The following ENPP3 variants were observed in gnomAD, a reference collection of about 807,000 sequenced individuals.
The protein encoded by ENPP3 is ectonucleotide pyrophosphatase/phosphodiesterase 3, also known as ectonucleotide pyrophosphatase/phosphodiesterase family member 3.
ENPP3 carries 104 observed loss-of-function variants against 117.8 expected under a neutral mutation model. The observed-to-expected ratio is 0.88, with a 90% CI of 0.75 to 1.04. The LOEUF (loss-of-function observed/expected upper bound fraction) is 1.04, where lower values mean the gene tolerates loss of function less well. ENPP3 is among the 50% of genes least tolerant of loss of function. The probability of loss-of-function intolerance (pLI) is 0.00; values close to 1 mark genes in which losing one functional copy is unlikely to be tolerated. For synonymous variants in ENPP3, 380 were observed against 349.9 expected, an observed-to-expected ratio of 1.09 and a Z score of -0.96; for missense variants, 1,026 against 1,051.9, an observed-to-expected ratio of 0.98 and a Z score of 0.34.
chr6:131,726,182 A>C lies in ENPP3; in HGVS notation c.1935A>C (p.Ser645=). 4 of 1,613,912 alleles carry C rather than the reference A, an allele frequency of 2.5e-6. No individual in the cohort carries two copies. Among genetic ancestry groups the C allele is most frequent in the Non-Finnish European group, 3.4e-6 (4 of 1,179,848 alleles). ...CTATGAGGATGCCCATGTGGAGTTCATACACAGTCCCCCAGTTGGTAAGTT... is the reference window on the plus strand; with the variant it reads ...CTATGAGGATGCCCATGTGGAGTTCCTACACAGTCCCCCAGTTGGTAAGTT... ...GKAMRMPMWS[S]YTVPQLGDTS... Residue 645 remains serine (S), a synonymous_variant, in exon 20 of 25, where the codon TCA becomes TCC. Transcript: ENST00000357639.
chr6:131,709,805 C>T lies in ENPP3; in HGVS notation c.1413-8867C>T, dbSNP rs761946852. On this transcript the variant is annotated intron_variant, in intron 15 of 24. Transcript: ENST00000357639. ...TCTTCCTCTATTCGGTAATTTTCCT[C>T]CACTGTTAATTTCCTGTAGAGTTTC... 3.3e-5 allele frequency: 54 copies of T among 1,612,426 alleles called. No individual in the cohort carries two copies. Among genetic ancestry groups the T allele is most frequent in the Admixed American group, 1.2e-4 (7 of 59,832 alleles).
At chr6:131,737,492 A>G in intron 22 of ENPP3, 60 bp downstream of exon 22, 1 of 934,868 alleles carries the variant, frequency 1.1e-6, no homozygotes, top group Non-Finnish European at 1.7e-6. Flanking sequence ...GAACTTCCAA[A>G]CTAAACACAT....
chr6:131,680,438 A>G (rs1778999745), intron 11 of ENPP3, among the ~76,000 whole-genome samples: 2 of 152,216 alleles, frequency 1.3e-5, no homozygotes, highest in Admixed American at 1.3e-4. Context: ...TGTCCAGAAG[A>G]CAAATAAATG....
chr6:131,638,452 G>T lies in ENPP3; in HGVS notation c.78+990G>T, dbSNP rs1221853403. The T allele has an allele frequency of 6.7e-6, 3 of 446,032 alleles. No homozygotes were observed. In the East Asian group the frequency reaches 2.1e-4, roughly 32 times the overall value. The allele number at this position is 446,032 out of a possible 1,614,324, so 27.6% of individuals were successfully genotyped here. A position where few individuals can be genotyped will look rare whatever the true frequency, so the allele number is the denominator to read the frequency against. ...ATTTTAATTTTATTTTTGAGACAGG[G>T]TCTCTCTCCTTTGGGATCTCACCTC... On this transcript the variant is annotated intron_variant, in intron 1 of 24. Coordinates refer to ENST00000357639, the MANE Select transcript of ENPP3 (RefSeq NM_005021.5).
At chr6:131,660,889 C>A (rs2114343892) in intron 6 of ENPP3, among the ~76,000 whole-genome samples, 1 of 152,226 alleles carries the variant, frequency 6.6e-6, no homozygotes, top group Non-Finnish European at 1.5e-5. Context: ...TTCCACATTT[C>A]CCCCTTACCC....
intron 8 of ENPP3, 91 bp downstream of exon 8, chr6:131,674,372 A>G (rs775008769): frequency 2.4e-6 from 3 of 1,254,560 alleles, no homozygotes; most frequent in South Asian, 1.2e-5. Flanking sequence ...AGCAAGTTCT[A>G]TGTCACCCAT....
chr6:131,684,255 C>T (rs1194620753), intron 12 of ENPP3, among the ~76,000 whole-genome samples: 1 of 152,154 alleles, frequency 6.6e-6, no homozygotes, highest in Non-Finnish European at 1.5e-5. Context: ...TTAGAGCATC[C>T]AGATAATGGG....
intron 10 of ENPP3, 128 bp downstream of exon 10, chr6:131,676,929 T>C: frequency 1.6e-6 from 1 of 623,234 alleles, no homozygotes; most frequent in East Asian, 2.8e-5. Flanking sequence ...TGCCTTATAA[T>C]GGACACTTTT....
chr6:131,679,325 C>T (rs1002813401), intron 11 of ENPP3, among the ~76,000 whole-genome samples: 2 of 151,890 alleles, frequency 1.3e-5, no homozygotes, highest in Non-Finnish European at 2.9e-5. Flanking sequence ...GAACTCCTGA[C>T]CTCAGGTGAT....
intron 14 of ENPP3, among the ~76,000 whole-genome samples, chr6:131,691,049 T>C (rs1309350269): frequency 3.3e-5 from 5 of 152,056 alleles, no homozygotes; most frequent in Admixed American, 2.0e-4. Context: ...TGGAAATCCA[T>C]TGCATGGCAT....
chr6:131,724,109 A>G lies in ENPP3; in HGVS notation c.1798+18A>G, dbSNP rs1182047239. 2 of 1,580,736 alleles carry G rather than the reference A, an allele frequency of 1.3e-6. No individual in the cohort carries two copies. Among genetic ancestry groups the G allele is most frequent in the African/African-American group, 1.4e-5 (1 of 74,036 alleles). On this transcript the variant is annotated intron_variant, in intron 19 of 24. Transcript: ENST00000357639. ...AGAAGAAAGTAAGTCAATAGAAAAC[A>G]TGTTAAGTCTTTGATATTTAGACCT...
intron 16 of ENPP3, among the ~76,000 whole-genome samples, chr6:131,719,823 G>T (rs1334772916): frequency 6.6e-6 from 1 of 151,872 alleles, no homozygotes; most frequent in Non-Finnish European, 1.5e-5. Context: ...GTAAAAGAGA[G>T]AAGTGTAAGT....
chr6:131,720,203 AGTTACAGAAGGAAAAT>A (rs1779984331), intron 16 of ENPP3, 73 bp from the exon 17 acceptor site: 1 of 713,914 alleles, frequency 1.4e-6, no homozygotes, highest in Non-Finnish European at 2.3e-6. Context: ...ATAGGAGAGT[AGTTACAGAAGGAAAAT>A]TTTGTCTCTT....
At chr6:131,730,187 A>G (rs1369552309) in intron 20 of ENPP3, among the ~76,000 whole-genome samples, 1 of 152,230 alleles carries the variant, frequency 6.6e-6, no homozygotes, top group African/African-American at 2.4e-5. Flanking sequence ...GTGTGTTAGG[A>G]AATATCAAAC....
chr6:131,711,344 G>C (rs541219950), intron 15 of ENPP3, among the ~76,000 whole-genome samples: 2 of 146,398 alleles, frequency 1.4e-5, no homozygotes, highest in Non-Finnish European at 2.9e-5. Flanking sequence ...TTTTAAAATT[G>C]CTGTCTTCTT....
chr6:131,676,861 GT>G (rs370208303), intron 10 of ENPP3, 60 bp downstream of exon 10: 41,978 of 828,850 alleles, frequency 0.051, 1 homozygote, highest in South Asian at 0.066. Flanking sequence ...AAAAAATGAA[GT>G]TTTTTTTTTT....
intron 7 of ENPP3, among the ~76,000 whole-genome samples, chr6:131,671,799 A>G (rs1274242451): frequency 6.6e-6 from 1 of 152,202 alleles, no homozygotes; most frequent in African/African-American, 2.4e-5. Flanking sequence ...AGCAAGTGAT[A>G]TAAAAAAGAT....
At chr6:131,661,095 T>C (rs1249395740) in intron 6 of ENPP3, among the ~76,000 whole-genome samples, 1 of 152,216 alleles carries the variant, frequency 6.6e-6, no homozygotes, top group African/African-American at 2.4e-5. Flanking sequence ...TATTCCATTG[T>C]ATGTATATGC....
chr6:131,685,920 T>C lies in ENPP3; in HGVS notation c.1284+13T>C, dbSNP rs1159065704. 1.3e-6 allele frequency: 1 copy of C among 789,368 alleles called. No homozygotes were observed. Among genetic ancestry groups the C allele is most frequent in the East Asian group, 2.7e-5 (1 of 36,590 alleles). 48.9% of individuals were successfully genotyped at this position (789,368 alleles called of 1,614,324 possible). ...TAGAAACCTCAGTGTAAGTATACAA[T>C]ACTCTTAATACATATATTTAAGTTA... On this transcript the variant is annotated intron_variant, in intron 14 of 24. Coordinates refer to ENST00000357639, the MANE Select transcript of ENPP3 (RefSeq NM_005021.5).
Sources: gnomAD v4.1 joint callset for allele counts (sites outside exome capture counted in the v4.1 genomes callset) on GRCh38, gnomAD v4.1.1 for gene constraint, MANE v1.5 for transcripts, NCBI Gene and HGNC (gene_info 2026-07-23, HGNC 2026-07-21) for gene names.